Variants in TMEM132D observed in about 807,000 individuals in gnomAD.
TMEM132D encodes the protein transmembrane protein 132D, also known as mature OL transmembrane protein.
TMEM132D carries 21 observed loss-of-function variants against 62.3 expected under a neutral mutation model. The observed-to-expected ratio is 0.34, with a 90% CI of 0.24 to 0.49. TMEM132D has a LOEUF of 0.49. TMEM132D is among the 20% of genes least tolerant of loss of function. The pLI, the probability that TMEM132D is intolerant of heterozygous loss-of-function variation, is 0.99. For missense variants in TMEM132D, 1,346 were observed against 1,402.8 expected (o/e 0.96, Z 0.65); for synonymous variants, 621 against 575.6 (o/e 1.08, Z -1.13).
chr12:129,285,539 A>AAAAAAAAAAAAAAAGAGAG (rs56018646), intron 4 of TMEM132D, among the ~76,000 whole-genome samples: 2 of 90,078 alleles, frequency 2.2e-5, no homozygotes, highest in African/African-American at 7.8e-5. Context: ...AAAAAAAAAA[A>AAAAAAAAAAAAAAAGAGAG]AGAGAGAGAG....
intron 5 of TMEM132D, among the ~76,000 whole-genome samples, chr12:129,186,684 T>C (rs1018432618): frequency 3.9e-5 from 6 of 152,208 alleles, no homozygotes; most frequent in Non-Finnish European, 8.8e-5. Context: ...CCCATAGGGA[T>C]GTTATGAAGA....
At chr12:129,473,454 T>G (rs1289507814) in intron 3 of TMEM132D, among the ~76,000 whole-genome samples, 2 of 149,676 alleles carry the variant, frequency 1.3e-5, no homozygotes, top group Non-Finnish European at 3.0e-5. Context: ...CTCAGCCTTC[T>G]GAATAGCTGA....
rs7299732 is a variant in TMEM132D, at chr12:129,195,188, C to T, written c.1443+14332G>A. On this transcript the variant is annotated intron_variant, in intron 5 of 8. Transcript: ENST00000422113. ...GGAGATTTGAGCAGAGACCTGAAGA[C>T]AGTGAGGGGGAGCTGTGTGCATCCA... 2.6e-4 allele frequency among the ~76,000 whole-genome samples: 40 copies of T among 152,004 alleles called. 1 individual carries two copies. Among genetic ancestry groups the T allele is most frequent in the African/African-American group, 7.7e-4 (32 of 41,446 alleles).
At chr12:129,394,211 A>G (rs1180168910) in intron 3 of TMEM132D, among the ~76,000 whole-genome samples, 3 of 152,166 alleles carry the variant, frequency 2.0e-5, no homozygotes, top group Admixed American at 6.5e-5. Context: ...CGGGAGTTGC[A>G]GCTTTTACTG....
At chr12:129,448,882 G>A (rs965518233) in intron 3 of TMEM132D, among the ~76,000 whole-genome samples, 4 of 152,128 alleles carry the variant, frequency 2.6e-5, no homozygotes, top group African/African-American at 4.8e-5. Context: ...TTTACTAGTT[G>A]TCCCAATGCC....
chr12:129,543,565 T>C (rs1876651543), intron 2 of TMEM132D, among the ~76,000 whole-genome samples: 1 of 152,208 alleles, frequency 6.6e-6, no homozygotes, highest in Non-Finnish European at 1.5e-5. Flanking sequence ...AGGGTGCTTC[T>C]ATTAGCCTAA....
chr12:129,153,367 C>T (rs1487966656), intron 5 of TMEM132D, among the ~76,000 whole-genome samples: 1 of 151,730 alleles, frequency 6.6e-6, no homozygotes, highest in Admixed American at 6.6e-5. Context: ...AGGTTGAAAA[C>T]GATGGAATGA....
Position 129,397,636 on chromosome 12 carries a change from G to A in TMEM132D, c.1116-59819C>T, listed in dbSNP as rs192536524. 5.9e-5 allele frequency among the ~76,000 whole-genome samples: 9 copies of A among 152,122 alleles called. No homozygotes were observed. The South Asian group carries it at 6.2e-4, about 11-fold the overall frequency. ...AATGGTATCTTTCTATTTCTTCTCC[G>A]ATGCCCAGAAATGTGTCTAACATAA... On this transcript the variant is annotated intron_variant, in intron 3 of 8. Coordinates refer to ENST00000422113, the MANE Select transcript of TMEM132D (RefSeq NM_133448.3).
intron 1 of TMEM132D, among the ~76,000 whole-genome samples, chr12:129,848,107 C>A (rs575000068): frequency 4.3e-4 from 66 of 152,212 alleles, no homozygotes; most frequent in Non-Finnish European, 6.8e-4. Context: ...TGAGAGTTGA[C>A]TCCCCTCTGG....
chr12:129,548,907 T>C (rs757277708), intron 2 of TMEM132D, among the ~76,000 whole-genome samples: 3 of 152,276 alleles, frequency 2.0e-5, no homozygotes, highest in Non-Finnish European at 4.4e-5. Context: ...AGACTGGATA[T>C]TTCCTTAGCT....
At chr12:129,791,902 T>C (rs1165202243) in intron 1 of TMEM132D, among the ~76,000 whole-genome samples, 1 of 152,130 alleles carries the variant, frequency 6.6e-6, no homozygotes. Context: ...CACACTCCTG[T>C]ATTTCCTAAA....
At chr12:129,882,151 A>C (rs1874616476) in intron 1 of TMEM132D, among the ~76,000 whole-genome samples, 1 of 152,104 alleles carries the variant, frequency 6.6e-6, no homozygotes, top group Non-Finnish European at 1.5e-5. Context: ...TTCTGAAAAA[A>C]AAATTCAGAC....
chr12:129,743,449 A>G (rs1565969993), intron 1 of TMEM132D, among the ~76,000 whole-genome samples: 3 of 152,092 alleles, frequency 2.0e-5, no homozygotes. Context: ...CCTTCCCGCC[A>G]CCATGTGAAG....
intron 2 of TMEM132D, among the ~76,000 whole-genome samples, chr12:129,678,855 C>T (rs189325682): frequency 6.6e-6 from 1 of 152,078 alleles, no homozygotes; most frequent in Non-Finnish European, 1.5e-5. Flanking sequence ...AATTAGTACT[C>T]TAGTGTCATT....
At chr12:129,631,961 A>G (rs376194898) in intron 2 of TMEM132D, among the ~76,000 whole-genome samples, 6 of 152,180 alleles carry the variant, frequency 3.9e-5, no homozygotes, top group African/African-American at 9.7e-5. Context: ...CATACACACA[A>G]AACAGGACCT....
intron 4 of TMEM132D, among the ~76,000 whole-genome samples, chr12:129,306,807 C>G (rs1881855746): frequency 6.6e-6 from 1 of 152,116 alleles, no homozygotes; most frequent in Admixed American, 6.5e-5. Context: ...TAGGAAATCA[C>G]AGGGCAGAGC....
chr12:129,499,582 A>G (rs145870881), intron 3 of TMEM132D, among the ~76,000 whole-genome samples: 53 of 152,284 alleles, frequency 3.5e-4, no homozygotes, highest in Middle Eastern at 3.4e-3. Flanking sequence ...GATGGAGTGG[A>G]GTCCCAGTGT....
At chr12:129,282,173 A>G (rs1315000325) in intron 4 of TMEM132D, among the ~76,000 whole-genome samples, 2 of 152,202 alleles carry the variant, frequency 1.3e-5, no homozygotes, top group African/African-American at 4.8e-5. Flanking sequence ...GTGAGGAAAC[A>G]CTGAGGTTTG....
intron 4 of TMEM132D, among the ~76,000 whole-genome samples, chr12:129,268,627 C>G (rs1003589753): frequency 1.3e-5 from 2 of 152,014 alleles, no homozygotes; most frequent in Non-Finnish European, 2.9e-5. Context: ...GACAGTGTGG[C>G]GATTCCTCAA....
Sources: allele counts gnomAD v4.1 joint callset (sites outside exome capture counted in the v4.1 genomes callset), GRCh38; gene constraint gnomAD v4.1.1; transcripts MANE v1.5; gene names NCBI Gene and HGNC (gene_info 2026-07-23, HGNC 2026-07-21).